The following CDH12 variants were observed in gnomAD, a reference collection of about 807,000 sequenced individuals.
CDH12 encodes the protein cadherin-12.
In CDH12, 41 loss-of-function variants were observed where a neutral mutation model predicts 74.1. The ratio of observed to expected loss-of-function variants is 0.55; its 90% CI spans 0.43 to 0.72. The LOEUF is 0.72. Among genes scored for constraint, CDH12 ranks in the 30% least tolerant of loss-of-function variants. The pLI, the probability that CDH12 is intolerant of heterozygous loss-of-function variation, is 0.00. For missense variants in CDH12, 945 were observed against 977.2 expected, an observed-to-expected ratio of 0.97 and a Z score of 0.44; for synonymous variants, 399 against 355.0, an observed-to-expected ratio of 1.12 and a Z score of -1.39.
chr5:22,780,421 C>T (rs1258448515), intron 1 of CDH12, among the ~76,000 whole-genome samples: 1 of 152,032 alleles, frequency 6.6e-6, no homozygotes, highest in Non-Finnish European at 1.5e-5. Flanking sequence ...TTAATTGACT[C>T]ATATTTCTGC....
At chr5:22,492,093 A>G (rs1424368685) in intron 2 of CDH12, among the ~76,000 whole-genome samples, 1 of 152,134 alleles carries the variant, frequency 6.6e-6, no homozygotes, top group Non-Finnish European at 1.5e-5. Flanking sequence ...AATTAAGCCC[A>G]TAACAGTTGA....
At chr5:22,635,730 A>C (rs1227863165) in intron 1 of CDH12, among the ~76,000 whole-genome samples, 2 of 152,126 alleles carry the variant, frequency 1.3e-5, no homozygotes, top group African/African-American at 4.8e-5. Flanking sequence ...CCTGACCAAC[A>C]TGGTGAAACC....
chr5:22,629,404 C>T (rs188657094), intron 1 of CDH12, among the ~76,000 whole-genome samples: 1 of 152,012 alleles, frequency 6.6e-6, no homozygotes, highest in East Asian at 1.9e-4. Flanking sequence ...ACATCAAAAT[C>T]GAATCCACCT....
intron 4 of CDH12, among the ~76,000 whole-genome samples, chr5:22,169,668 AAG>A (rs148929774): frequency 0.13 from 19,931 of 151,886 alleles, 1,415 homozygotes; most frequent in South Asian, 0.17. Context: ...TGCAAGGGGA[AAG>A]AGAGAGATAG....
chr5:21,924,511 C>A (rs2150074942), intron 6 of CDH12, among the ~76,000 whole-genome samples: 1 of 146,114 alleles, frequency 6.8e-6, no homozygotes, highest in South Asian at 2.3e-4. Context: ...AGCCAAACTG[C>A]ATCTCAATAA....
At chr5:21,862,555 T>C (rs1173182690) in intron 6 of CDH12, among the ~76,000 whole-genome samples, 1 of 152,158 alleles carries the variant, frequency 6.6e-6, no homozygotes, top group African/African-American at 2.4e-5. Context: ...TTCATTCATG[T>C]CTTCTTTCAA....
chr5:21,825,546 A>AC (rs71607557), intron 8 of CDH12, among the ~76,000 whole-genome samples: 3 of 152,080 alleles, frequency 2.0e-5, no homozygotes, highest in African/African-American at 7.2e-5. Context: ...GATTCTAGTT[A>AC]CCCCCATCAT....
chr5:21,994,929 C>T (rs1428329865), intron 5 of CDH12, among the ~76,000 whole-genome samples: 4 of 152,084 alleles, frequency 2.6e-5, no homozygotes, highest in African/African-American at 7.2e-5. Flanking sequence ...GAGCCAGCAA[C>T]GGCAACGGAG....
At chr5:21,806,112 G>A (rs954169294) in intron 9 of CDH12, among the ~76,000 whole-genome samples, 3 of 152,152 alleles carry the variant, frequency 2.0e-5, no homozygotes, top group African/African-American at 7.2e-5. Context: ...AGAGACTCAA[G>A]GGAGGAATTG....
chr5:21,961,116 GTTTAT>G (rs1182788301), intron 6 of CDH12, among the ~76,000 whole-genome samples: 25 of 151,952 alleles, frequency 1.6e-4, no homozygotes, highest in Non-Finnish European at 3.4e-4. Flanking sequence ...TTCATCTATT[GTTTAT>G]TTTGAGCCGA....
chr5:22,092,206 C>A (rs1429799522), intron 4 of CDH12, among the ~76,000 whole-genome samples: 1 of 151,724 alleles, frequency 6.6e-6, no homozygotes, highest in Non-Finnish European at 1.5e-5. Flanking sequence ...ATAGAATAGG[C>A]AATTCAGTGT....
intron 9 of CDH12, among the ~76,000 whole-genome samples, chr5:21,807,904 A>T (rs1416481365): frequency 6.6e-6 from 1 of 152,040 alleles, no homozygotes; most frequent in Non-Finnish European, 1.5e-5. Context: ...AATTAAGGAG[A>T]TTTTACTTGA....
chr5:22,841,765 T>C (rs886229919), intron 1 of CDH12, among the ~76,000 whole-genome samples: 4 of 152,166 alleles, frequency 2.6e-5, no homozygotes, highest in Admixed American at 6.5e-5. Flanking sequence ...AAGAATTAAC[T>C]GAGTCAAATA....
At chr5:22,099,783 ACT>A (rs1396208220) in intron 4 of CDH12, among the ~76,000 whole-genome samples, 1 of 151,934 alleles carries the variant, frequency 6.6e-6, no homozygotes, top group African/African-American at 2.4e-5. Flanking sequence ...CTCCTTAGGC[ACT>A]CTCTAATTAG....
At chr5:21,892,231 T>C (rs543431909) in intron 6 of CDH12, among the ~76,000 whole-genome samples, 1 of 152,184 alleles carries the variant, frequency 6.6e-6, no homozygotes, top group African/African-American at 2.4e-5. Context: ...GTTTATTAAT[T>C]GATATGCAAT....
At chr5:21,893,996 A>G (rs1753007962) in intron 6 of CDH12, among the ~76,000 whole-genome samples, 1 of 152,186 alleles carries the variant, frequency 6.6e-6, no homozygotes, top group South Asian at 2.1e-4. Flanking sequence ...CGCCTGCAAG[A>G]GGTGCTGAGT....
chr5:22,622,082 A>T (rs1738003359), intron 1 of CDH12, among the ~76,000 whole-genome samples: 1 of 152,204 alleles, frequency 6.6e-6, no homozygotes, highest in Admixed American at 6.5e-5. Context: ...TTATACATTT[A>T]TTAAGGTTTT....
chr5:22,831,668 G>C (rs1344569781), intron 1 of CDH12, among the ~76,000 whole-genome samples: 2 of 151,994 alleles, frequency 1.3e-5, no homozygotes, highest in Non-Finnish European at 2.9e-5. Context: ...AGCCCGAGGC[G>C]GGTGGATCAC....
At chr5:22,281,033 G>C (rs1309235801) in intron 3 of CDH12, among the ~76,000 whole-genome samples, 2 of 152,172 alleles carry the variant, frequency 1.3e-5, no homozygotes, top group East Asian at 3.9e-4. Flanking sequence ...CTATGATCAA[G>C]TGGGCTTCAT....
Sources: gnomAD v4.1 joint callset for allele counts (sites outside exome capture counted in the v4.1 genomes callset) on GRCh38, gnomAD v4.1.1 for gene constraint, MANE v1.5 for transcripts, NCBI Gene and HGNC (gene_info 2026-07-23, HGNC 2026-07-21) for gene names.